The following KREMEN1 variants were observed in gnomAD, a reference collection of about 807,000 sequenced individuals.
KREMEN1 encodes the protein kremen protein 1.
Under a neutral mutation model 46.5 loss-of-function variants are expected in KREMEN1, and 30 were observed. That is an observed-to-expected ratio of 0.65 (90% CI 0.48 to 0.88). KREMEN1 has a LOEUF of 0.88. Among genes scored for constraint, KREMEN1 ranks in the 40% least tolerant of loss-of-function variants. The pLI, the probability that KREMEN1 is intolerant of heterozygous loss-of-function variation, is 0.00. For synonymous variants in KREMEN1, 214 were observed against 230.6 expected, an observed-to-expected ratio of 0.93 and a Z score of 0.65; for missense variants, 533 against 596.9, an observed-to-expected ratio of 0.89 and a Z score of 1.11.
chr22:29,127,365 T>G (rs1052349233), intron 5 of KREMEN1, among the ~76,000 whole-genome samples: 1 of 152,138 alleles, frequency 6.6e-6, no homozygotes, highest in Non-Finnish European at 1.5e-5. Context: ...AATTAAAAAA[T>G]GGAAAATGAG....
chr22:29,153,290 A>T (rs1317882188), intron 9 of KREMEN1, among the ~76,000 whole-genome samples: 1 of 152,070 alleles, frequency 6.6e-6, no homozygotes, highest in African/African-American at 2.4e-5. Flanking sequence ...CCGACCTCCT[A>T]TCTCATCCTG....
intron 1 of KREMEN1, among the ~76,000 whole-genome samples, chr22:29,089,589 A>AAGT (rs1371487569): frequency 2.2e-5 from 3 of 135,778 alleles, no homozygotes; most frequent in Non-Finnish European, 4.8e-5. Flanking sequence ...ATTAAAAGAT[A>AAGT]AGTCACAAAA....
At chr22:29,097,394 A>G (rs896808137) in intron 2 of KREMEN1, among the ~76,000 whole-genome samples, 3 of 152,358 alleles carry the variant, frequency 2.0e-5, no homozygotes, top group African/African-American at 7.2e-5. Context: ...CTCATTTAGA[A>G]ATGTGAAATA....
rs1556001091 is a variant in KREMEN1 at position 29,080,943 on chromosome 22, T to TC, written c.97+7716_97+7717insC. ...CCTGATTGTATTATTTTTTTGTCCT[T>TC]TTTTTTTTTTTTTTTTTTTAGCGTC... On this transcript the variant is annotated intron_variant, in intron 1 of 8. Coordinates refer to ENST00000400335, the MANE Select transcript of KREMEN1 (RefSeq NM_001039570.3). 1.5e-4 allele frequency among the ~76,000 whole-genome samples: 20 copies of TC among 134,508 alleles called. 1 individual carries two copies. Among genetic ancestry groups the TC allele is most frequent in the Admixed American group, 2.2e-4 (3 of 13,804 alleles). The allele number at this position is 134,508 out of a possible 152,430, so 88.2% of individuals were successfully genotyped here.
At chr22:29,158,035 T>A (rs2038978788) in intron 9 of KREMEN1, among the ~76,000 whole-genome samples, 2 of 152,122 alleles carry the variant, frequency 1.3e-5, no homozygotes, top group South Asian at 4.1e-4. Flanking sequence ...TTGTGTACAA[T>A]GAAATTAGCG....
rs148738725 is a variant in KREMEN1, at chr22:29,131,523, C to CATATATATAT, written c.632-5790_632-5781dup. On this transcript the variant is annotated intron_variant, in intron 5 of 8. Transcript: ENST00000400335. ...AGCAACAACTGATCTGTATTCTGTTCATATATATATATATATATATATATA... is the reference window on the plus strand; with the variant it reads ...AGCAACAACTGATCTGTATTCTGTTCATATATATATATATATATATATATATATATATATA... 6.8e-4 allele frequency among the ~76,000 whole-genome samples: 64 copies of CATATATATAT among 93,666 alleles called. 1 individual carries two copies. The highest frequency in any genetic ancestry group is 3.9e-3 in the African/African-American group (56 of 14,304). The allele number at this position is 93,666 out of a possible 152,430, so 61.4% of individuals were successfully genotyped here. A position where few individuals can be genotyped will look rare whatever the true frequency, so the allele number is the denominator to read the frequency against.
downstream of KREMEN1, among the ~76,000 whole-genome samples, chr22:29,147,820 G>A (rs1156797072): frequency 1.3e-5 from 2 of 152,204 alleles, no homozygotes; most frequent in African/African-American, 4.8e-5. Flanking sequence ...GGGCTGGGTA[G>A]CTCAGGCTCA....
intron 1 of KREMEN1, among the ~76,000 whole-genome samples, chr22:29,077,068 C>G (rs751335795): frequency 6.6e-6 from 1 of 152,142 alleles, no homozygotes; most frequent in Non-Finnish European, 1.5e-5. Context: ...CTTTAAATAG[C>G]TTCACAATAT....
intron 4 of KREMEN1, among the ~76,000 whole-genome samples, chr22:29,124,410 G>A (rs974194290): frequency 6.6e-6 from 1 of 152,006 alleles, no homozygotes; most frequent in Non-Finnish European, 1.5e-5. Flanking sequence ...GGGGGAGGGG[G>A]CCTATAAAGC....
At chr22:29,114,428 G>A (rs1414793320) in intron 3 of KREMEN1, among the ~76,000 whole-genome samples, 3 of 142,532 alleles carry the variant, frequency 2.1e-5, no homozygotes, top group African/African-American at 8.1e-5. Context: ...GGAGGTTGCA[G>A]TGAACCAAGA....
rs2038780096 is a variant in KREMEN1 at position 29,142,493 on chromosome 22, A to T, written c.*381A>T. 1.0e-6 allele frequency: 1 copy of T among 1,002,848 alleles called. No homozygotes were observed. Among genetic ancestry groups the T allele is most frequent in the African/African-American group, 1.7e-5 (1 of 58,152 alleles). 62.1% of individuals were successfully genotyped at this position (1,002,848 alleles called of 1,614,324 possible). The stretch of plus-strand genomic sequence containing the variant: ...TCAGGTGGTGGGTAGCTTTAGTTAC[A>T]TTGAATTTTTCTTGCTTCTCTATTT... On this transcript the variant is annotated 3_prime_UTR_variant, in exon 9 of 9. Transcript: ENST00000400335.
intron 5 of KREMEN1, among the ~76,000 whole-genome samples, chr22:29,133,244 T>A (rs2038593467): frequency 1.6e-5 from 1 of 62,852 alleles, no homozygotes; most frequent in African/African-American, 3.9e-5. Context: ...CGAGACTCCA[T>A]CTCAAAAAAA....
chr22:29,136,215 C>A (rs865807081), intron 5 of KREMEN1, among the ~76,000 whole-genome samples: 93 of 151,674 alleles, frequency 6.1e-4, no homozygotes, highest in African/African-American at 2.2e-3. Flanking sequence ...AGCCACCGCG[C>A]CCGGACTGCT....
At chr22:29,166,279 T>C (rs1190062876) in intron 9 of KREMEN1, among the ~76,000 whole-genome samples, 1 of 152,080 alleles carries the variant, frequency 6.6e-6, no homozygotes, top group Non-Finnish European at 1.5e-5. Context: ...GTGACTGGTA[T>C]TCTGCTGGAT....
chr22:29,150,143 G>T (rs2038903706), downstream of KREMEN1, among the ~76,000 whole-genome samples: 1 of 152,214 alleles, frequency 6.6e-6, no homozygotes, highest in Admixed American at 6.5e-5. Context: ...CTTGTAGCTG[G>T]AAGTCTTCAT....
At chr22:29,080,187 A>T (rs1030707164) in intron 1 of KREMEN1, among the ~76,000 whole-genome samples, 3 of 152,150 alleles carry the variant, frequency 2.0e-5, no homozygotes, top group African/African-American at 7.2e-5. Flanking sequence ...TTTTGGCATC[A>T]GTTAAGGGCC....
At chr22:29,137,746 G>A in intron 6 of KREMEN1, 72 bp downstream of exon 6, 1 of 1,261,886 alleles carries the variant, frequency 7.9e-7, no homozygotes, top group Non-Finnish European at 1.1e-6. Context: ...TCACCCTTGT[G>A]ACTTGGGCAG....
intron 9 of KREMEN1, among the ~76,000 whole-genome samples, chr22:29,153,865 G>A (rs925256582): frequency 1.3e-5 from 2 of 151,918 alleles, no homozygotes; most frequent in Non-Finnish European, 2.9e-5. Context: ...TAGCTACTCC[G>A]GGAGGCTGAG....
intron 9 of KREMEN1, among the ~76,000 whole-genome samples, chr22:29,155,783 A>AC (rs1242929869): frequency 6.6e-6 from 1 of 151,714 alleles, no homozygotes; most frequent in African/African-American, 2.4e-5. Context: ...ACATGGCGAA[A>AC]CCCCGTCTCT....
Sources: allele counts gnomAD v4.1 joint callset (sites outside exome capture counted in the v4.1 genomes callset), GRCh38; gene constraint gnomAD v4.1.1; transcripts MANE v1.5; gene names NCBI Gene and HGNC (gene_info 2026-07-23, HGNC 2026-07-21).